LDB3: variants seen among roughly 807,000 people sequenced by gnomAD.
LDB3 encodes the protein LIM domain binding 3.
Under a neutral mutation model 69.0 loss-of-function variants are expected in LDB3, and 49 were observed. The observed-to-expected ratio is 0.71, with a 90% CI of 0.56 to 0.90. The LOEUF is 0.90. Ranked by LOEUF, LDB3 falls within the 40% of genes least tolerant of loss-of-function variation. LDB3 has a pLI of 0.00. For missense variants in LDB3, 928 were observed against 974.1 expected (o/e 0.95, Z 0.63); for synonymous variants, 387 against 396.2 (o/e 0.98, Z 0.28).
At chr10:86,717,049 T>A (rs1197648504) in intron 10 of LDB3, among the ~76,000 whole-genome samples, 1 of 152,204 alleles carries the variant, frequency 6.6e-6, no homozygotes, top group South Asian at 2.1e-4. Flanking sequence ...CCCCTTGGGC[T>A]AAGGTTGAGG....
intron 7 of LDB3, among the ~76,000 whole-genome samples, chr10:86,706,139 C>G (rs1846431765): frequency 6.6e-6 from 1 of 152,100 alleles, no homozygotes; most frequent in African/African-American, 2.4e-5. Flanking sequence ...GCACATGCCC[C>G]CTGACTGAAT....
Position 86,732,003 on chromosome 10 carries a change from C to CTT in LDB3, c.2095-880_2095-879dup, listed in dbSNP as rs755552822. Among the ~76,000 whole-genome samples, 30 of 123,224 alleles carry CTT rather than the reference C, an allele frequency of 2.4e-4. 5 individuals are homozygous for CTT. The highest frequency in any genetic ancestry group is 4.5e-4 in the African/African-American group (14 of 31,304). The allele number at this position is 123,224 out of a possible 152,430, so 80.8% of individuals were successfully genotyped here. ...TTAACTAATTTTCTTTTCTTTCTTTCTTTTTCTTTTTTTTTTTTTTTGGTA... is the reference window on the plus strand; with the variant it reads ...TTAACTAATTTTCTTTTCTTTCTTTCTTTTTTTCTTTTTTTTTTTTTTTGGTA... On this transcript the variant is annotated intron_variant, in intron 13 of 13. Coordinates refer to ENST00000361373, the MANE Select transcript of LDB3 (RefSeq NM_007078.3).
chr10:86,702,011 G>A (rs1319877685), intron 7 of LDB3, among the ~76,000 whole-genome samples: 1 of 152,326 alleles, frequency 6.6e-6, no homozygotes, highest in East Asian at 1.9e-4. Flanking sequence ...CCCTGGAGTT[G>A]CATGGAGCAT....
chr10:86,721,187 T>C (rs928886202), intron 12 of LDB3, among the ~76,000 whole-genome samples: 3 of 152,262 alleles, frequency 2.0e-5, no homozygotes, highest in African/African-American at 7.2e-5. Flanking sequence ...TACAAACCCA[T>C]TAACAGAGAA....
At chr10:86,697,905 T>C (rs1846081808) in intron 7 of LDB3, among the ~76,000 whole-genome samples, 1 of 152,216 alleles carries the variant, frequency 6.6e-6, no homozygotes, top group Non-Finnish European at 1.5e-5. Flanking sequence ...AGTGCAGTTA[T>C]AAGAAATAAT....
chr10:86,716,527 A>T lies in LDB3; in HGVS notation c.1432A>T (p.Ser478Cys), dbSNP rs1300399777. ...TAACCCTGCACCCTCGGTGGCCTACAGCGGGGGCCCTGCGGAGCCTGCCAG... is the reference window on the plus strand; with the variant it reads ...TAACCCTGCACCCTCGGTGGCCTACTGCGGGGGCCCTGCGGAGCCTGCCAG... Reference protein sequence around the residue: ...NYNPAPSVAYSGGPAEPASRP... With the variant: ...NYNPAPSVAYCGGPAEPASRP... The change falls in exon 10 of 14, where the codon AGC becomes TGC. Residue 478 changes from serine (S) to cysteine (C), a missense_variant. Physicochemically the swap from Ser to Cys is moderately radical, Grantham distance 112. Coordinates refer to ENST00000361373, the MANE Select transcript of LDB3 (RefSeq NM_007078.3). 6.2e-7 allele frequency: 1 copy of T among 1,612,448 alleles called. No individual in the cohort carries two copies. The highest frequency in any genetic ancestry group is 1.3e-5 in the African/African-American group (1 of 74,332).
chr10:86,722,036 A>G (rs1847098333), intron 12 of LDB3, among the ~76,000 whole-genome samples: 2 of 152,264 alleles, frequency 1.3e-5, no homozygotes, highest in South Asian at 2.1e-4. Context: ...GCCCATGCAC[A>G]GACTTTGTTC....
At chr10:86,730,238 C>G (rs940926980) in intron 13 of LDB3, among the ~76,000 whole-genome samples, 2 of 152,184 alleles carry the variant, frequency 1.3e-5, no homozygotes, top group Non-Finnish European at 2.9e-5. Flanking sequence ...GCCCCAAGCT[C>G]AACTCAAGGG....
intron 9 of LDB3, among the ~76,000 whole-genome samples, chr10:86,711,551 C>G (rs1846666084): frequency 6.6e-6 from 1 of 151,970 alleles, no homozygotes; most frequent in African/African-American, 2.4e-5. Flanking sequence ...GCGTGTGGTC[C>G]CGAGCCCCCC....
intron 9 of LDB3, among the ~76,000 whole-genome samples, chr10:86,715,507 G>A (rs909538817): frequency 6.6e-6 from 1 of 152,292 alleles, no homozygotes; most frequent in South Asian, 2.1e-4. Context: ...GCTGGAGGAG[G>A]GGGTGATAGA....
At position 86,709,977 on chromosome 10, in the gene LDB3, G is replaced by C. The variant is rs45465300; in HGVS notation, c.1158G>C (p.Glu386Asp). ...SAPATHTSYS[E>D]GPAAPAPKPR... ...CTGCCACCCACACCAGCTACAGTGAGGGCCCCGCCGCCCCTGCACCCAAGC... is the reference window on the plus strand; with the variant it reads ...CTGCCACCCACACCAGCTACAGTGACGGCCCCGCCGCCCCTGCACCCAAGC... Residue 386 changes from glutamate to aspartate, a missense_variant, in exon 9 of 14, where the codon GAG (glutamate) becomes GAC (aspartate). Glu to Asp is a conservative substitution (Grantham distance 45). Transcript: ENST00000361373. The C allele has an allele frequency of 1.9e-6, 3 of 1,613,098 alleles. No individual in the cohort carries two copies. The highest frequency in any genetic ancestry group is 1.7e-4 in the Middle Eastern group (1 of 6,058).
Position 86,708,417 on chromosome 10 carries a change from A to C in LDB3, c.1086-1488A>C, listed in dbSNP as rs143462726. 1.8e-4 allele frequency among the ~76,000 whole-genome samples: 27 copies of C among 152,314 alleles called. No homozygotes were observed. In the Middle Eastern group the frequency reaches 0.017, roughly 96 times the overall value. On this transcript the variant is annotated intron_variant, in intron 8 of 13. Transcript: ENST00000361373. ...TGGGAGCATGGCTTCAGAATTTTCAATGGATGCCATAAGCCTCTGCTCCCT... is the reference window on the plus strand; with the variant it reads ...TGGGAGCATGGCTTCAGAATTTTCACTGGATGCCATAAGCCTCTGCTCCCT...
intron 2 of LDB3, among the ~76,000 whole-genome samples, chr10:86,673,783 C>A (rs1444137847): frequency 6.6e-6 from 1 of 151,828 alleles, no homozygotes; most frequent in Non-Finnish European, 1.5e-5. Context: ...CCAGCCTCCA[C>A]CCACCACATC....
chr10:86,730,615 A>G (rs980941351), intron 13 of LDB3, among the ~76,000 whole-genome samples: 2 of 152,202 alleles, frequency 1.3e-5, no homozygotes, highest in Admixed American at 6.5e-5. Context: ...CCAGCCTACA[A>G]CTTACTAGGT....
intron 6 of LDB3, 91 bp downstream of exon 6, chr10:86,692,156 C>T: frequency 6.4e-6 from 9 of 1,413,596 alleles, no homozygotes; most frequent in Non-Finnish European, 8.8e-6. Context: ...GCCAGGGAGT[C>T]CTGCTACCTG....
chr10:86,731,999 CTTTCTTTTTCT>C lies in LDB3; in HGVS notation c.2095-884_2095-874del, dbSNP rs1380797004. On this transcript the variant is annotated intron_variant, in intron 13 of 13. Transcript: ENST00000361373. ...TTTTTTAACTAATTTTCTTTTCTTT[CTTTCTTTTTCT>C]TTTTTTTTTTTTTTGGTAGAGACAG... is the stretch of plus-strand genomic sequence containing the variant. Among the ~76,000 whole-genome samples, 144 of 128,438 alleles carry C rather than the reference CTTTCTTTTTCT, an allele frequency of 1.1e-3. 1 individual carries two copies. Among genetic ancestry groups the C allele is most frequent in the African/African-American group, 4.3e-3 (140 of 32,218 alleles). 84.3% of individuals were successfully genotyped at this position (128,438 alleles called of 152,430 possible). A position where few individuals can be genotyped will look rare whatever the true frequency, so the allele number is the denominator to read the frequency against.
At chr10:86,701,846 G>T (rs145719712) in intron 7 of LDB3, among the ~76,000 whole-genome samples, 1 of 152,214 alleles carries the variant, frequency 6.6e-6, no homozygotes, top group Non-Finnish European at 1.5e-5. Flanking sequence ...AGAATGCAGA[G>T]GATGTCATGG....
intron 7 of LDB3, among the ~76,000 whole-genome samples, chr10:86,695,485 G>A (rs2803572): frequency 0.57 from 87,118 of 152,026 alleles, 28,260 homozygotes; most frequent in Non-Finnish European, 0.75. Context: ...CAGGTGAGGT[G>A]GGGGAGGCCT....
At chr10:86,693,525 A>T (rs971502740) in intron 7 of LDB3, among the ~76,000 whole-genome samples, 4 of 152,212 alleles carry the variant, frequency 2.6e-5, no homozygotes, top group Admixed American at 1.3e-4. Context: ...GAGCCAGCTT[A>T]GACTTGTGGA....
Sources: allele counts gnomAD v4.1 joint callset (sites outside exome capture counted in the v4.1 genomes callset), GRCh38; gene constraint gnomAD v4.1.1; transcripts MANE v1.5; gene names NCBI Gene and HGNC (gene_info 2026-07-23, HGNC 2026-07-21).